The following METTL17 variants were observed in gnomAD, a reference collection of about 807,000 sequenced individuals.
The protein encoded by METTL17 is methyltransferase like 17.
A neutral mutation model predicts 59.4 loss-of-function variants in METTL17; 49 were observed. The observed-to-expected ratio is 0.82, with a 90% confidence interval of 0.66 to 1.05. The LOEUF is 1.05. METTL17 is among the 50% of genes least tolerant of loss of function. The pLI is 0.00. For synonymous variants in METTL17, 208 were observed against 209.2 expected (o/e 0.99, Z 0.05); for missense variants, 555 against 578.4 (o/e 0.96, Z 0.41).
chr14:20,996,692 A>T lies in METTL17; in HGVS notation c.1246A>T (p.Thr416Ser), dbSNP rs1179528414. The change falls in exon 13 of 14, where the codon ACA becomes TCA. Residue 416 changes from threonine to serine, a missense_variant. Transcript: ENST00000339374. ...PDGHMQHAVLTARRHGRDLYR... is the reference protein window; with the variant it reads ...PDGHMQHAVLSARRHGRDLYR... ...TGGGCACATGCAGCATGCTGTGCTC[A>T]CAGCCCGCCGGCACGGCAGGTATGG... The T allele has an allele frequency of 6.2e-7, 1 of 1,614,114 alleles. No individual in the cohort carries two copies. Among genetic ancestry groups the T allele is most frequent in the East Asian group, 2.2e-5 (1 of 44,894 alleles).
chr14:20,990,751 G>A (rs1436179454), intron 3 of METTL17, 153 bp downstream of exon 3: 2 of 923,570 alleles, frequency 2.2e-6, no homozygotes, highest in Non-Finnish European at 3.2e-6. Flanking sequence ...CTTACTAAAA[G>A]AAGGTAGATT....
At chr14:20,994,283 C>CCT (rs1880227402) in intron 7 of METTL17, among the ~76,000 whole-genome samples, 1 of 138,854 alleles carries the variant, frequency 7.2e-6, no homozygotes. Context: ...TCTCCCTGCC[C>CCT]TTTTTTTTTT....
Position 20,993,194 on chromosome 14 carries a change from G to C in METTL17, c.602+3G>C, listed in dbSNP as rs1470698798. ...TCAGGTACTGGTTCTGTCACCTGGT[G>C]AGTAACTTTCTTCAGCCCTATCTTG... On this transcript the variant is annotated splice_donor_region_variant and intron_variant, in intron 6 of 13. Transcript: ENST00000339374. The C allele has an allele frequency of 1.9e-6, 3 of 1,613,890 alleles. No homozygotes were observed. The highest frequency in any genetic ancestry group is 4.5e-5 in the East Asian group (2 of 44,868).
chr14:20,995,879 C>A (rs755642347), intron 10 of METTL17, 22 bp from the exon 11 acceptor site: 3 of 1,612,430 alleles, frequency 1.9e-6, no homozygotes, highest in Non-Finnish European at 2.5e-6. Flanking sequence ...AGCTTTATTT[C>A]TTTTATTTCC....
In METTL17 at chr14:20,996,727, C is replaced by T. The variant is rs760493508; in HGVS notation, c.1265+16C>T. On this transcript the variant is annotated intron_variant, in intron 13 of 13. Transcript: ENST00000339374. ...GGCACGGCAGGTATGGGGGGTGTGA[C>T]CAAAATCAGTGGGATGTGGCAGGAA... 3.7e-6 allele frequency: 6 copies of T among 1,614,058 alleles called. No homozygotes were observed. The highest frequency in any genetic ancestry group is 2.2e-5 in the East Asian group (1 of 44,886).
chr14:20,992,974 A>G, intron 5 of METTL17, 144 bp from the exon 6 acceptor site: 1 of 707,270 alleles, frequency 1.4e-6, no homozygotes, highest in South Asian at 1.7e-5. Context: ...ATTTTAGGAG[A>G]TTCTTATCCC....
chr14:20,996,807 G>A lies in METTL17; in HGVS notation c.1288G>A (p.Val430Ile). ...HGRDLYRCAR[V>I]SSWGDLLPVL... ...CAGGGATTTGTATCGTTGTGCCCGT[G>A]TCAGCTCCTGGGGAGATCTTTTACC... is the stretch of plus-strand genomic sequence containing the variant. Residue 430 changes from valine to isoleucine, a missense_variant, in exon 14 of 14, where the codon GTC becomes ATC. By Grantham distance (29) the Val-to-Ile change is conservative. Coordinates refer to ENST00000339374, the MANE Select transcript of METTL17 (RefSeq NM_022734.3). The A allele has an allele frequency of 6.2e-7, 1 of 1,614,184 alleles. No homozygotes were observed. Among genetic ancestry groups the A allele is most frequent in the Non-Finnish European group, 8.5e-7 (1 of 1,180,044 alleles).
At chr14:20,994,773 G>A in intron 8 of METTL17, 21 bp from the exon 9 acceptor site, 1 of 1,597,754 alleles carries the variant, frequency 6.3e-7, no homozygotes, top group Non-Finnish European at 8.6e-7. Flanking sequence ...AGTCTGTCAT[G>A]TTCCTTGTCT....
chr14:20,994,891 G>C lies in METTL17; in HGVS notation c.866G>C (p.Gly289Ala), dbSNP rs2297717. ...EVVQTLWRKT[G>A]HFLVLVENGT... ...GTTCAAACCTTATGGCGTAAGACAG[G>C]TCATTTCCTGGTGAGTTAAAATTCC... The change falls in exon 9 of 14, where the codon GGT becomes GCT. Residue 289 changes from glycine (G) to alanine (A), a missense_variant. By Grantham distance (60) the Gly-to-Ala change is moderately conservative (BLOSUM62 0). Transcript: ENST00000339374. 0.011 allele frequency: 17,136 copies of C among 1,612,990 alleles called. 792 individuals are homozygous for C. In the East Asian group the frequency reaches 0.13, roughly 13 times the overall value.
At chr14:20,991,120 G>T (rs914040100) in intron 3 of METTL17, among the ~76,000 whole-genome samples, 1 of 152,072 alleles carries the variant, frequency 6.6e-6, no homozygotes, top group African/African-American at 2.4e-5. Context: ...GAACCACCGC[G>T]CCTGGCTACC....
chr14:20,990,740 C>A, intron 3 of METTL17, 142 bp downstream of exon 3: 2 of 1,021,704 alleles, frequency 2.0e-6, no homozygotes, highest in Non-Finnish European at 2.8e-6. Context: ...TACAATGATG[C>A]CTTACTAAAA....
chr14:20,990,547 G>A lies in METTL17; in HGVS notation c.313G>A (p.Glu105Lys). 1.2e-6 allele frequency: 2 copies of A among 1,614,248 alleles called. No individual in the cohort carries two copies. The highest frequency in any genetic ancestry group is 1.7e-6 in the Non-Finnish European group (2 of 1,180,042). The change falls in exon 3 of 14, where the codon GAG becomes AAG. Residue 105 changes from glutamate (E) to lysine (K), a missense_variant. Coordinates refer to ENST00000339374, the MANE Select transcript of METTL17 (RefSeq NM_022734.3). ...CAGACATTTGCCTGTAGAGCCAGAG[G>A]AGTTGCAAAGACGGGCTAGGCATCT... is the stretch of plus-strand genomic sequence containing the variant. Reference protein sequence around the residue: ...WSRHLPVEPEELQRRARHLEK... With the variant: ...WSRHLPVEPEKLQRRARHLEK...
intron 3 of METTL17, among the ~76,000 whole-genome samples, chr14:20,991,276 A>G (rs1236248083): frequency 3.3e-5 from 5 of 152,170 alleles, no homozygotes; most frequent in African/African-American, 4.8e-5. Context: ...GGGTAAATAT[A>G]ATTCATCAAG....
At chr14:20,993,310 T>C in intron 6 of METTL17, 119 bp downstream of exon 6, 3 of 825,994 alleles carry the variant, frequency 3.6e-6, no homozygotes, top group Non-Finnish European at 6.2e-6. Flanking sequence ...TGGGAATCTA[T>C]AATGTTTCTT....
intron 10 of METTL17, 80 bp downstream of exon 10, chr14:20,995,313 ATG>A: frequency 7.6e-7 from 1 of 1,307,452 alleles, no homozygotes. Flanking sequence ...AGAGACTGTC[ATG>A]TATTGACAAG....
At chr14:20,994,283 C>T (rs1880227246) in intron 7 of METTL17, among the ~76,000 whole-genome samples, 1 of 138,852 alleles carries the variant, frequency 7.2e-6, no homozygotes. Flanking sequence ...TCTCCCTGCC[C>T]TTTTTTTTTT....
chr14:20,992,165 C>CA lies in METTL17; in HGVS notation c.407dup (p.His136GlnfsTer5). 6.2e-7 allele frequency: 1 copy of CA among 1,612,148 alleles called. No homozygotes were observed. The highest frequency in any genetic ancestry group is 8.5e-7 in the Non-Finnish European group (1 of 1,179,462). On this transcript the variant is annotated frameshift_variant, in exon 4 of 14. Transcript: ENST00000339374. LOFTEE classifies it high-confidence loss of function. ...GGAGAAACTTCGTGGAGCAGTGCTACACGCACTACGTAAAACTACCTACCA... is the reference window on the plus strand; with the variant it reads ...GGAGAAACTTCGTGGAGCAGTGCTACAACGCACTACGTAAAACTACCTACCA...
Position 20,992,625 on chromosome 14 carries a change from G to GAT in METTL17, c.528+4_528+5insTA. 3 of 1,611,644 alleles carry GAT rather than the reference G, an allele frequency of 1.9e-6. No homozygotes were observed. Among genetic ancestry groups the GAT allele is most frequent in the Non-Finnish European group, 2.5e-6 (3 of 1,178,198 alleles). On this transcript the variant is annotated splice_donor_region_variant and intron_variant, in intron 5 of 13. Transcript: ENST00000339374. ...CAGTCTCCAGAGCATTCCATGAGGTGAAAGTCCCTTAACTTCCAACCTGAA... is the reference window on the plus strand; with the variant it reads ...CAGTCTCCAGAGCATTCCATGAGGTGATAAAGTCCCTTAACTTCCAACCTGAA...
chr14:20,996,374 G>C, intron 12 of METTL17, 82 bp downstream of exon 12: 1 of 1,530,544 alleles, frequency 6.5e-7, no homozygotes, highest in South Asian at 1.1e-5. Flanking sequence ...GGAGGAGTTG[G>C]ATAATTTGTA....
Sources: allele counts gnomAD v4.1 joint callset (sites outside exome capture counted in the v4.1 genomes callset), GRCh38; gene constraint gnomAD v4.1.1; transcripts MANE v1.5; gene names NCBI Gene and HGNC (gene_info 2026-07-23, HGNC 2026-07-21).